The following BLTP1 variants were observed in gnomAD, a reference collection of about 807,000 sequenced individuals.
BLTP1 encodes the protein fragile site-associated protein.
the BLTP1 span, chr4:122,318,047 C>CGATTA: frequency 1.6e-6 from 2 of 1,270,170 alleles, no homozygotes; most frequent in Non-Finnish European, 2.1e-6. Flanking sequence ...TGTATATAAT[C>CGATTA]ATCTTTGGTA....
the BLTP1 span, chr4:122,246,655 C>T: frequency 3.1e-6 from 5 of 1,591,436 alleles, no homozygotes; most frequent in Non-Finnish European, 4.3e-6. Flanking sequence ...TTTCACTTGT[C>T]AGTTCTGAAA....
At chr4:122,334,576 T>C in the BLTP1 span, 2 of 1,594,626 alleles carry the variant, frequency 1.3e-6, no homozygotes, top group Admixed American at 3.5e-5. Flanking sequence ...TTATTTTTTG[T>C]CATTTTAAAA....
chr4:122,340,815 TCA>T, the BLTP1 span: 1 of 958,936 alleles, frequency 1.0e-6, no homozygotes, highest in South Asian at 4.8e-5. Flanking sequence ...AAAGTTACAC[TCA>T]CTATTCATTA....
chr4:122,336,683 T>C, the BLTP1 span: 8 of 968,324 alleles, frequency 8.3e-6, no homozygotes, highest in Non-Finnish European at 9.8e-6. Flanking sequence ...GTGTTTGGTA[T>C]AGCAGCAGGA....
At chr4:122,174,037 T>C in the BLTP1 span, among the ~76,000 whole-genome samples, 2,126 of 152,284 alleles carry the variant, frequency 0.014, 53 homozygotes, top group African/African-American at 0.048. Flanking sequence ...GTAGGAAATT[T>C]GCAGGTAAAT....
chr4:122,215,805 T>C, the BLTP1 span, among the ~76,000 whole-genome samples: 3 of 151,998 alleles, frequency 2.0e-5, no homozygotes, highest in African/African-American at 7.2e-5. Context: ...CAGTGTACAC[T>C]ATACTCAACG....
the BLTP1 span, chr4:122,186,184 G>A: frequency 9.9e-6 from 16 of 1,612,050 alleles, no homozygotes; most frequent in East Asian, 3.6e-4. Flanking sequence ...ATAAAACACG[G>A]GAAATTGGAA....
the BLTP1 span, among the ~76,000 whole-genome samples, chr4:122,300,611 A>G: frequency 1.3e-5 from 2 of 152,244 alleles, no homozygotes; most frequent in African/African-American, 4.8e-5. Context: ...CCTAAATTTC[A>G]AAAGCCCAAA....
the BLTP1 span, among the ~76,000 whole-genome samples, chr4:122,338,828 T>A: frequency 1.3e-5 from 2 of 152,198 alleles, no homozygotes; most frequent in Non-Finnish European, 2.9e-5. Flanking sequence ...GTCAACTGTC[T>A]TATTGTTCTG....
the BLTP1 span, chr4:122,223,226 T>C: frequency 3.6e-6 from 3 of 831,924 alleles, no homozygotes; most frequent in African/African-American, 5.5e-5. Flanking sequence ...TCTTATGAAT[T>C]AGAGTTAGCC....
At chr4:122,358,300 T>C in the BLTP1 span, among the ~76,000 whole-genome samples, 1 of 152,232 alleles carries the variant, frequency 6.6e-6, no homozygotes, top group Non-Finnish European at 1.5e-5. Flanking sequence ...TATGAAATAG[T>C]GTGTTGGTCT....
chr4:122,218,958 A>G, the BLTP1 span, among the ~76,000 whole-genome samples: 1 of 152,210 alleles, frequency 6.6e-6, no homozygotes, highest in African/African-American at 2.4e-5. Flanking sequence ...TTTTCAGTGA[A>G]TTGCTTCCCC....
At chr4:122,179,985 C>T in the BLTP1 span, 5 of 984,830 alleles carry the variant, frequency 5.1e-6, no homozygotes, top group Non-Finnish European at 6.0e-6. Context: ...AAGACAGGCA[C>T]TTCTTCCAAA....
chr4:122,261,978 A>G, the BLTP1 span: 3 of 985,422 alleles, frequency 3.0e-6, no homozygotes, highest in African/African-American at 3.5e-5. Flanking sequence ...CATTGCGTCA[A>G]CATTTCTTGC....
chr4:122,200,995 C>T, the BLTP1 span: 3 of 1,368,252 alleles, frequency 2.2e-6, no homozygotes, highest in Non-Finnish European at 2.9e-6. Context: ...TTTTACCTAA[C>T]ATTTGTTTTG....
the BLTP1 span, among the ~76,000 whole-genome samples, chr4:122,302,833 C>T: frequency 2.0e-5 from 3 of 152,178 alleles, no homozygotes; most frequent in South Asian, 4.1e-4. Context: ...AAGCTAAAGC[C>T]TAATCCAGAG....
chr4:122,171,305 A>G, the BLTP1 span, among the ~76,000 whole-genome samples: 6 of 152,152 alleles, frequency 3.9e-5, no homozygotes, highest in African/African-American at 1.2e-4. Flanking sequence ...AGTGAATATG[A>G]ATGAATGAGA....
At chr4:122,285,927 G>A in the BLTP1 span, among the ~76,000 whole-genome samples, 2 of 152,144 alleles carry the variant, frequency 1.3e-5, no homozygotes, top group Admixed American at 6.5e-5. Flanking sequence ...GAATAATTAT[G>A]TGCTAGATTA....
chr4:122,288,925 CG>C, the BLTP1 span: 20 of 438,394 alleles, frequency 4.6e-5, no homozygotes, highest in Non-Finnish European at 5.8e-5. Flanking sequence ...TGGCCAGTAA[CG>C]TATTAGGAAC....
Sources: gnomAD v4.1 joint callset for allele counts (sites outside exome capture counted in the v4.1 genomes callset) on GRCh38, gnomAD v4.1.1 for gene constraint, MANE v1.5 for transcripts, NCBI Gene and HGNC (gene_info 2026-07-23, HGNC 2026-07-21) for gene names.